The following DRC11 variants were observed in gnomAD, a reference collection of about 807,000 sequenced individuals.
DRC11 encodes the protein IQ and AAA domain-containing protein 1.
the DRC11 span, among the ~76,000 whole-genome samples, chr2:236,360,392 G>C: frequency 1.3e-5 from 2 of 152,198 alleles, no homozygotes; most frequent in African/African-American, 4.8e-5. The surrounding 1 kb of genome is among the most constrained non-coding windows in gnomAD (Gnocchi z 5.8). Context: ...AGTGATGTAT[G>C]CAACAGTCTG....
chr2:236,429,223 C>A, the DRC11 span, among the ~76,000 whole-genome samples: 3 of 152,228 alleles, frequency 2.0e-5, no homozygotes, highest in African/African-American at 4.8e-5. The surrounding 1 kb of genome is among the most constrained non-coding windows in gnomAD (Gnocchi z 5.9). Context: ...CCATTTCAGG[C>A]AGCTGGAGTC....
chr2:236,470,476 C>T, the DRC11 span, among the ~76,000 whole-genome samples: 1 of 152,134 alleles, frequency 6.6e-6, no homozygotes, highest in Non-Finnish European at 1.5e-5. The surrounding 1 kb of genome is among the most constrained non-coding windows in gnomAD (Gnocchi z 5.1). Context: ...GGCGCGTGTT[C>T]GGTCAGATCA....
the DRC11 span, among the ~76,000 whole-genome samples, chr2:236,311,340 TC>T: frequency 6.6e-6 from 1 of 152,156 alleles, no homozygotes; most frequent in Non-Finnish European, 1.5e-5. This position sits in a 1 kb window ranked among gnomAD's most constrained non-coding sequence, Gnocchi z 6.9. Flanking sequence ...GAGCTCAAGC[TC>T]CCTGTGAGCT....
At chr2:236,405,877 C>T in the DRC11 span, among the ~76,000 whole-genome samples, 1 of 152,168 alleles carries the variant, frequency 6.6e-6, no homozygotes, top group Admixed American at 6.5e-5. The surrounding 1 kb of genome is among the most constrained non-coding windows in gnomAD (Gnocchi z 4.6). Flanking sequence ...TGGTGTAAGA[C>T]TTCATTCACA....
At chr2:236,428,330 G>C in the DRC11 span, among the ~76,000 whole-genome samples, 1 of 152,178 alleles carries the variant, frequency 6.6e-6, no homozygotes, top group Admixed American at 6.5e-5. Flanking sequence ...TGAAAGTAAG[G>C]TACTGAAATT....
the DRC11 span, among the ~76,000 whole-genome samples, chr2:236,318,624 CAT>C: frequency 3.3e-3 from 487 of 145,604 alleles, 2 homozygotes; most frequent in African/African-American, 0.012. This position sits in a 1 kb window ranked among gnomAD's most constrained non-coding sequence, Gnocchi z 7.0. Context: ...ATGTGGTGTG[CAT>C]ATATCGTTTG....
At chr2:236,340,188 T>C in the DRC11 span, among the ~76,000 whole-genome samples, 2 of 152,366 alleles carry the variant, frequency 1.3e-5, no homozygotes, top group South Asian at 2.1e-4. Flanking sequence ...TGCAGTGCAG[T>C]TGCACAATCT....
the DRC11 span, among the ~76,000 whole-genome samples, chr2:236,459,621 A>T: frequency 2.9e-4 from 40 of 138,270 alleles, 1 homozygote; most frequent in African/African-American, 1.1e-3. Context: ...ATATAAGTAT[A>T]TACATACGTA....
the DRC11 span, among the ~76,000 whole-genome samples, chr2:236,309,382 G>A: frequency 1.3e-5 from 2 of 152,026 alleles, no homozygotes; most frequent in South Asian, 2.1e-4. The surrounding 1 kb of genome is among the most constrained non-coding windows in gnomAD (Gnocchi z 5.7). Context: ...AGCCCATCCC[G>A]AGAGGTTCCA....
the DRC11 span, among the ~76,000 whole-genome samples, chr2:236,428,093 G>C: frequency 6.6e-6 from 1 of 152,118 alleles, no homozygotes; most frequent in Non-Finnish European, 1.5e-5. Flanking sequence ...AGTCTGAAAA[G>C]ATATACTTCA....
chr2:236,497,310 G>A, the DRC11 span: 9 of 1,613,902 alleles, frequency 5.6e-6, no homozygotes, highest in Middle Eastern at 1.6e-4. This position sits in a 1 kb window ranked among gnomAD's most constrained non-coding sequence, Gnocchi z 5.1. Context: ...GGGGGTGGAC[G>A]AACTGGTCGT....
At chr2:236,497,102 G>A in the DRC11 span, 19 of 1,229,422 alleles carry the variant, frequency 1.5e-5, no homozygotes, top group East Asian at 1.0e-4. This position sits in a 1 kb window ranked among gnomAD's most constrained non-coding sequence, Gnocchi z 5.1. Flanking sequence ...TACAGATATC[G>A]GGTACATATC....
the DRC11 span, among the ~76,000 whole-genome samples, chr2:236,374,334 G>GA: frequency 6.6e-6 from 1 of 152,110 alleles, no homozygotes; most frequent in Non-Finnish European, 1.5e-5. Context: ...ATGGACAGGG[G>GA]AAAAAATGAA....
At chr2:236,366,257 G>A in the DRC11 span, among the ~76,000 whole-genome samples, 3 of 152,174 alleles carry the variant, frequency 2.0e-5, no homozygotes, top group Non-Finnish European at 4.4e-5. Flanking sequence ...CCAGGCTGCA[G>A]CCGGTGTCTC....
At chr2:236,345,145 T>A in the DRC11 span, among the ~76,000 whole-genome samples, 2 of 62,384 alleles carry the variant, frequency 3.2e-5, no homozygotes, top group South Asian at 7.9e-4. Context: ...TGGTTGTAAA[T>A]GCGCTTCCCT....
chr2:236,360,012 A>G, the DRC11 span, among the ~76,000 whole-genome samples: 1 of 152,116 alleles, frequency 6.6e-6, no homozygotes, highest in African/African-American at 2.4e-5. The surrounding 1 kb of genome is among the most constrained non-coding windows in gnomAD (Gnocchi z 5.8). Context: ...ATTCTAATAA[A>G]CGCAAAGATC....
chr2:236,498,300 CA>C, the DRC11 span, among the ~76,000 whole-genome samples: 10,630 of 129,120 alleles, frequency 0.082, 836 homozygotes, highest in African/African-American at 0.22. Context: ...TACTAAAATA[CA>C]AAAAAAAAAA....
At chr2:236,482,490 T>C in the DRC11 span, among the ~76,000 whole-genome samples, 1 of 152,210 alleles carries the variant, frequency 6.6e-6, no homozygotes, top group African/African-American at 2.4e-5. The surrounding 1 kb of genome is among the most constrained non-coding windows in gnomAD (Gnocchi z 4.5). Flanking sequence ...GCTGAGTCCA[T>C]TTAACTCCTT....
the DRC11 span, among the ~76,000 whole-genome samples, chr2:236,342,762 GCT>G: frequency 6.6e-6 from 1 of 152,226 alleles, no homozygotes; most frequent in African/African-American, 2.4e-5. The surrounding 1 kb of genome is among the most constrained non-coding windows in gnomAD (Gnocchi z 5.8). Flanking sequence ...GCCTCTTGCA[GCT>G]CTGAGTCTGG....
Sources: gnomAD v4.1 joint callset for allele counts (sites outside exome capture counted in the v4.1 genomes callset) on GRCh38, gnomAD v4.1.1 for gene constraint, Gnocchi (gnomAD v3.1) non-coding constraint, MANE v1.5 for transcripts, NCBI Gene and HGNC (gene_info 2026-07-23, HGNC 2026-07-21) for gene names.